The following SYN3 variants were observed in gnomAD, a reference collection of about 807,000 sequenced individuals.
The protein encoded by SYN3 is synapsin-3.
A neutral mutation model predicts 65.8 loss-of-function variants in SYN3; 35 were observed. The ratio of observed to expected loss-of-function variants is 0.53; its 90% CI spans 0.41 to 0.70. The LOEUF (loss-of-function observed/expected upper bound fraction) is 0.70, where lower values mean the gene tolerates loss of function less well. Among genes scored for constraint, SYN3 ranks in the 30% least tolerant of loss-of-function variants. The pLI is 0.00. For synonymous variants in SYN3, 270 were observed against 292.9 expected (o/e 0.92, Z 0.80); for missense variants, 680 against 749.0 (o/e 0.91, Z 1.08).
At chr22:32,987,606 G>A (rs747041604) in intron 2 of SYN3, among the ~76,000 whole-genome samples, 1 of 152,206 alleles carries the variant, frequency 6.6e-6, no homozygotes, top group Non-Finnish European at 1.5e-5. Flanking sequence ...CCCTATGCCT[G>A]TATGGGGATC....
chr22:32,988,118 C>A (rs1171187238), intron 2 of SYN3, among the ~76,000 whole-genome samples: 3 of 151,684 alleles, frequency 2.0e-5, no homozygotes, highest in Non-Finnish European at 4.4e-5. Context: ...ACCATCCTGG[C>A]CAACATGGTG....
chr22:33,036,839 G>A (rs2053871092), intron 1 of SYN3, among the ~76,000 whole-genome samples: 1 of 151,952 alleles, frequency 6.6e-6, no homozygotes, highest in African/African-American at 2.4e-5. Context: ...TTACAAGTAT[G>A]CACCACCACA....
intron 6 of SYN3, among the ~76,000 whole-genome samples, chr22:32,674,799 G>A (rs1032662601): frequency 2.6e-5 from 4 of 152,182 alleles, no homozygotes; most frequent in Admixed American, 6.5e-5. Flanking sequence ...AACTTTCATT[G>A]TCATCATCAG....
chr22:32,802,147 G>A (rs937060546), intron 6 of SYN3: 2 of 1,570,824 alleles, frequency 1.3e-6, no homozygotes, highest in African/African-American at 1.3e-5. Context: ...TGCCCCGCCC[G>A]AGCCCCACGC....
chr22:32,827,830 T>C (rs575087972), intron 6 of SYN3, among the ~76,000 whole-genome samples: 1 of 152,282 alleles, frequency 6.6e-6, no homozygotes, highest in African/African-American at 2.4e-5. Flanking sequence ...TTTGTCACTG[T>C]CTCTTTTGAA....
At chr22:32,945,276 C>T (rs1009181156) in intron 3 of SYN3, among the ~76,000 whole-genome samples, 5 of 152,196 alleles carry the variant, frequency 3.3e-5, no homozygotes, top group African/African-American at 9.7e-5. Flanking sequence ...CATCACGCTA[C>T]CTGACTTTAA....
chr22:32,799,975 G>A (rs1602176493), intron 6 of SYN3, among the ~76,000 whole-genome samples: 1 of 152,326 alleles, frequency 6.6e-6, no homozygotes, highest in Non-Finnish European at 1.5e-5. Context: ...GCCACAGTTA[G>A]AGTGAAGGCA....
intron 6 of SYN3, among the ~76,000 whole-genome samples, chr22:32,637,358 G>T (rs1337461900): frequency 6.6e-6 from 1 of 152,216 alleles, no homozygotes; most frequent in Non-Finnish European, 1.5e-5. Flanking sequence ...GGATGGAACA[G>T]AGTTATTATA....
At chr22:32,911,847 C>T (rs2146584530) in intron 4 of SYN3, among the ~76,000 whole-genome samples, 1 of 152,320 alleles carries the variant, frequency 6.6e-6, no homozygotes, top group South Asian at 2.1e-4. Context: ...AATGCTCTGT[C>T]ACCAGCAGAG....
chr22:32,738,200 G>A (rs982682783), intron 6 of SYN3, among the ~76,000 whole-genome samples: 1 of 152,104 alleles, frequency 6.6e-6, no homozygotes. Flanking sequence ...GTTTCAAGAG[G>A]GCTCTGGGTT....
At chr22:32,569,545 C>CAA (rs1218702967) in intron 7 of SYN3, among the ~76,000 whole-genome samples, 35 of 52,056 alleles carry the variant, frequency 6.7e-4, no homozygotes, top group African/African-American at 5.6e-3. Flanking sequence ...CAATCTCTCT[C>CAA]TCTCTCTCTC....
At chr22:32,848,086 C>T (rs922067631) in intron 6 of SYN3, among the ~76,000 whole-genome samples, 2 of 152,208 alleles carry the variant, frequency 1.3e-5, no homozygotes, top group Non-Finnish European at 2.9e-5. Flanking sequence ...GCCAATTTTA[C>T]AAATACCTGA....
chr22:32,669,239 G>A (rs2060329974), intron 6 of SYN3, among the ~76,000 whole-genome samples: 1 of 152,150 alleles, frequency 6.6e-6, no homozygotes, highest in African/African-American at 2.4e-5. Context: ...ATCCTGTCAG[G>A]AGATATTTTT....
chr22:32,559,011 T>G (rs1422754043), intron 7 of SYN3, among the ~76,000 whole-genome samples: 1 of 152,256 alleles, frequency 6.6e-6, no homozygotes, highest in African/African-American at 2.4e-5. Context: ...GACAGCTACC[T>G]CTAACGAGTG....
chr22:32,836,802 C>T (rs1052599756), intron 6 of SYN3, among the ~76,000 whole-genome samples: 4 of 152,142 alleles, frequency 2.6e-5, no homozygotes, highest in African/African-American at 9.7e-5. Context: ...GGAAAGCCTA[C>T]ACTATTTTAA....
chr22:32,704,000 A>AT (rs1176032674), intron 6 of SYN3, among the ~76,000 whole-genome samples: 3 of 152,270 alleles, frequency 2.0e-5, no homozygotes, highest in Non-Finnish European at 2.9e-5. Context: ...AGAAATGGTA[A>AT]TTTTTGTATT....
intron 7 of SYN3, among the ~76,000 whole-genome samples, chr22:32,562,213 C>T (rs2058596175): frequency 6.6e-6 from 1 of 152,238 alleles, no homozygotes; most frequent in Admixed American, 6.5e-5. Context: ...TAACAAATAG[C>T]ACCATTGCTG....
At chr22:32,965,591 T>C (rs886814225) in intron 3 of SYN3, among the ~76,000 whole-genome samples, 3 of 151,926 alleles carry the variant, frequency 2.0e-5, no homozygotes, top group African/African-American at 7.3e-5. Context: ...CTTGTGTGTG[T>C]GCGTAAGAGA....
intron 6 of SYN3, among the ~76,000 whole-genome samples, chr22:32,817,201 G>A (rs1199345682): frequency 2.0e-5 from 3 of 151,238 alleles, no homozygotes; most frequent in Admixed American, 6.6e-5. Context: ...CAGGGTGACA[G>A]AGCAAGACTC....
Sources: allele counts gnomAD v4.1 joint callset (sites outside exome capture counted in the v4.1 genomes callset), GRCh38; gene constraint gnomAD v4.1.1; transcripts MANE v1.5; gene names NCBI Gene and HGNC (gene_info 2026-07-23, HGNC 2026-07-21).